RFX3: variants seen among roughly 807,000 people sequenced by gnomAD.
The protein encoded by RFX3 is transcription factor RFX3.
A neutral mutation model predicts 98.6 loss-of-function variants in RFX3; 14 were observed. The ratio of observed to expected loss-of-function variants is 0.14; its 90% CI spans 0.09 to 0.22. The LOEUF (loss-of-function observed/expected upper bound fraction) is 0.22. Ranked by LOEUF, RFX3 falls within the 10% of genes least tolerant of loss-of-function variation. The probability of loss-of-function intolerance (pLI) is 1.00; values close to 1 mark genes in which losing one functional copy is unlikely to be tolerated. For synonymous variants in RFX3, 383 were observed against 328.4 expected (o/e 1.17, Z -1.80); for missense variants, 639 against 926.9 (o/e 0.69, Z 4.03).
chr9:3,307,601 C>T lies in RFX3; in HGVS notation c.475-5981G>A, dbSNP rs7848738. Among the ~76,000 whole-genome samples, 773 of 152,238 alleles carry T rather than the reference C, an allele frequency of 5.1e-3. 9 individuals are homozygous for T. Among genetic ancestry groups the T allele is most frequent in the African/African-American group, 0.017 (691 of 41,560 alleles). On this transcript the variant is annotated intron_variant, in intron 4 of 16. Transcript: ENST00000617270. ...AAGGCTTGGTAGTGCTGTATTTTTACTTGAAATGAACACAATGGCCTTTAT... is the reference window on the plus strand; with the variant it reads ...AAGGCTTGGTAGTGCTGTATTTTTATTTGAAATGAACACAATGGCCTTTAT...
chr9:3,435,052 T>G (rs1349089788), intron 1 of RFX3, among the ~76,000 whole-genome samples: 2 of 151,354 alleles, frequency 1.3e-5, no homozygotes, highest in Non-Finnish European at 2.9e-5. Context: ...TAAAAAATGG[T>G]ATATTTGTAT....
intron 1 of RFX3, among the ~76,000 whole-genome samples, chr9:3,498,639 T>G (rs756581127): frequency 1.3e-5 from 2 of 152,088 alleles, no homozygotes; most frequent in Non-Finnish European, 2.9e-5. Flanking sequence ...GCTGTTTAAA[T>G]TTGGTACTAT....
At chr9:3,519,934 C>T (rs74909284) in intron 1 of RFX3, among the ~76,000 whole-genome samples, 1 of 116,136 alleles carries the variant, frequency 8.6e-6, no homozygotes, top group Admixed American at 9.0e-5. Context: ...CCTGTCTCTA[C>T]AAAAAAAAAA....
At chr9:3,286,033 T>C (rs2131556217) in intron 7 of RFX3, among the ~76,000 whole-genome samples, 1 of 151,996 alleles carries the variant, frequency 6.6e-6, no homozygotes, top group South Asian at 2.1e-4. Flanking sequence ...TCACAGGAAA[T>C]TCCTTGCAGT....
At chr9:3,511,496 GA>G (rs1817661413) in intron 1 of RFX3, among the ~76,000 whole-genome samples, 1 of 151,972 alleles carries the variant, frequency 6.6e-6, no homozygotes, top group Non-Finnish European at 1.5e-5. Context: ...TGCTTTGAGT[GA>G]TATCATAAAC....
intron 1 of RFX3, among the ~76,000 whole-genome samples, chr9:3,492,392 CACTTT>C (rs1426332857): frequency 3.3e-5 from 5 of 152,250 alleles, no homozygotes; most frequent in Non-Finnish European, 7.3e-5. Flanking sequence ...TTGGGCCACT[CACTTT>C]AGAGAGCTTG....
intron 15 of RFX3, among the ~76,000 whole-genome samples, chr9:3,236,737 A>T (rs1819205409): frequency 6.6e-6 from 1 of 152,226 alleles, no homozygotes; most frequent in East Asian, 1.9e-4. Flanking sequence ...CATGATAATC[A>T]GCAACAGATA....
At chr9:3,470,518 G>A (rs182690027) in intron 1 of RFX3, among the ~76,000 whole-genome samples, 3 of 150,924 alleles carry the variant, frequency 2.0e-5, no homozygotes, top group African/African-American at 4.9e-5. Context: ...TAGTAGAGAC[G>A]GGGTTTCACC....
intron 3 of RFX3, among the ~76,000 whole-genome samples, chr9:3,334,740 G>T (rs994369443): frequency 6.6e-6 from 1 of 152,146 alleles, no homozygotes; most frequent in African/African-American, 2.4e-5. Flanking sequence ...TAAATTGTCT[G>T]AATTTGGCTT....
chr9:3,229,830 G>T (rs1307238854), intron 15 of RFX3, among the ~76,000 whole-genome samples: 1 of 152,140 alleles, frequency 6.6e-6, no homozygotes, highest in East Asian at 1.9e-4. Flanking sequence ...TTCCATGATA[G>T]GAGTATTTTT....
intron 15 of RFX3, among the ~76,000 whole-genome samples, chr9:3,229,281 G>C (rs758674346): frequency 2.2e-4 from 34 of 152,222 alleles, no homozygotes; most frequent in Admixed American, 2.6e-4. Context: ...ATACTTGGCA[G>C]ATGAGTCCAC....
intron 1 of RFX3, chr9:3,524,559 A>G: frequency 2.0e-6 from 2 of 977,952 alleles, no homozygotes; most frequent in Non-Finnish European, 2.4e-6. Context: ...AGGAGATTAA[A>G]AAAAAAAAAA....
intron 1 of RFX3, among the ~76,000 whole-genome samples, chr9:3,522,979 A>G (rs1371252123): frequency 6.6e-6 from 1 of 152,192 alleles, no homozygotes; most frequent in Non-Finnish European, 1.5e-5. Context: ...GTACTGGAGG[A>G]ATAATACAAA....
At chr9:3,434,902 T>C (rs777106625) in intron 1 of RFX3, among the ~76,000 whole-genome samples, 7 of 152,088 alleles carry the variant, frequency 4.6e-5, no homozygotes, top group Non-Finnish European at 7.4e-5. Context: ...ACCTAGGCTA[T>C]ATGCTATAGC....
chr9:3,243,146 T>C (rs1820183714), intron 15 of RFX3, among the ~76,000 whole-genome samples: 1 of 151,986 alleles, frequency 6.6e-6, no homozygotes, highest in Non-Finnish European at 1.5e-5. Flanking sequence ...AGCTTTATGA[T>C]TTTTAAAATT....
intron 1 of RFX3, among the ~76,000 whole-genome samples, chr9:3,462,002 G>T (rs897936433): frequency 2.0e-5 from 3 of 151,852 alleles, no homozygotes; most frequent in Non-Finnish European, 4.4e-5. Context: ...GTGAACTTTT[G>T]TGTTTTCCGA....
intron 2 of RFX3, 53 bp downstream of exon 2, chr9:3,395,419 C>A: frequency 6.3e-7 from 1 of 1,590,890 alleles, no homozygotes. Context: ...GTATGTTGGA[C>A]AGCCAACATA....
At chr9:3,309,191 G>A (rs1480042969) in intron 4 of RFX3, among the ~76,000 whole-genome samples, 1 of 152,082 alleles carries the variant, frequency 6.6e-6, no homozygotes, top group Non-Finnish European at 1.5e-5. Context: ...AGCAGTGAAG[G>A]GAACTTCCAT....
chr9:3,315,063 G>A (rs915710187), intron 4 of RFX3, among the ~76,000 whole-genome samples: 1 of 151,788 alleles, frequency 6.6e-6, no homozygotes, highest in Admixed American at 6.6e-5. Flanking sequence ...CAAATCAACA[G>A]AATATACATT....
Sources: gnomAD v4.1 joint callset for allele counts (sites outside exome capture counted in the v4.1 genomes callset) on GRCh38, gnomAD v4.1.1 for gene constraint, MANE v1.5 for transcripts, NCBI Gene and HGNC (gene_info 2026-07-23, HGNC 2026-07-21) for gene names.